Variants in UNKL observed in about 807,000 individuals in gnomAD.
UNKL encodes the protein putative E3 ubiquitin-protein ligase UNKL.
A neutral mutation model predicts 78.0 loss-of-function variants in UNKL; 60 were observed. That is an observed-to-expected ratio of 0.77 (90% CI 0.63 to 0.95). The LOEUF is 0.95. UNKL is among the 40% of genes least tolerant of loss of function. The probability of loss-of-function intolerance (pLI) is 0.00; values close to 1 mark genes in which losing one functional copy is unlikely to be tolerated. For missense variants in UNKL, 1,159 were observed against 1,045.7 expected (o/e 1.11, Z -1.49); for synonymous variants, 608 against 474.8 (o/e 1.28, Z -3.65).
intron 10 of UNKL, among the ~76,000 whole-genome samples, chr16:1,380,441 C>A (rs2036558837): frequency 6.6e-6 from 1 of 152,164 alleles, no homozygotes; most frequent in Admixed American, 6.5e-5. Flanking sequence ...CAGGAGTGCC[C>A]TGGGGTCAGC....
At chr16:1,400,417 C>CAAAAAA (rs56093103) in intron 4 of UNKL, among the ~76,000 whole-genome samples, 2 of 30,760 alleles carry the variant, frequency 6.5e-5, no homozygotes, top group African/African-American at 1.8e-4. Context: ...GACTCCATCT[C>CAAAAAA]AAAAAAAAAA....
At chr16:1,383,311 C>CCACA (rs1363352098) in intron 10 of UNKL, among the ~76,000 whole-genome samples, 1 of 151,360 alleles carries the variant, frequency 6.6e-6, no homozygotes, top group African/African-American at 2.4e-5. Flanking sequence ...AAAACAAAAC[C>CCACA]CACACACACA....
At chr16:1,381,396 G>C (rs2036601082) in intron 10 of UNKL, among the ~76,000 whole-genome samples, 1 of 152,188 alleles carries the variant, frequency 6.6e-6, no homozygotes, top group Admixed American at 6.5e-5. Context: ...GAGGTGGGCG[G>C]ATCACCTGAG....
At chr16:1,401,462 C>A in intron 4 of UNKL, 106 bp downstream of exon 4, 2 of 1,299,196 alleles carry the variant, frequency 1.5e-6, no homozygotes, top group Non-Finnish European at 2.0e-6. Context: ...CCCATCTGAT[C>A]ACCTTGCACG....
At chr16:1,389,242 C>T (rs1035325939) in intron 9 of UNKL, among the ~76,000 whole-genome samples, 2 of 152,138 alleles carry the variant, frequency 1.3e-5, no homozygotes, top group African/African-American at 4.8e-5. Context: ...GCCTTGACCC[C>T]CGGTGTGACT....
rs2038197766 is a variant in UNKL at position 1,414,609 on chromosome 16, G to A, written c.77+6C>T. On this transcript the variant is annotated splice_donor_region_variant and intron_variant, in intron 1 of 14. Coordinates refer to ENST00000389221, the MANE Select transcript of UNKL (RefSeq NM_001372107.1). The stretch of plus-strand genomic sequence containing the variant: ...GCGGGGGGCCGCAGGCCGGACGGGC[G>A]CTGACCTGTAGTGGGTCGGCTTCTC... 1.9e-6 allele frequency: 2 copies of A among 1,066,980 alleles called. No individual in the cohort carries two copies. The highest frequency in any genetic ancestry group is 2.3e-6 in the Non-Finnish European group (2 of 876,728). The allele number at this position is 1,066,980 out of a possible 1,614,324, so 66.1% of individuals were successfully genotyped here. A position where few individuals can be genotyped will look rare whatever the true frequency, so the allele number is the denominator to read the frequency against.
chr16:1,390,208 G>A (rs775935316), intron 9 of UNKL, among the ~76,000 whole-genome samples: 4 of 152,082 alleles, frequency 2.6e-5, no homozygotes, highest in East Asian at 1.9e-4. Context: ...GGCTGGTCCC[G>A]GACTCCTGAC....
At chr16:1,372,380 C>T (rs977178122) in intron 10 of UNKL, among the ~76,000 whole-genome samples, 1 of 152,240 alleles carries the variant, frequency 6.6e-6, no homozygotes, top group Non-Finnish European at 1.5e-5. Flanking sequence ...AGGCTCAAGA[C>T]TGAGTGGGAA....
intron 7 of UNKL, among the ~76,000 whole-genome samples, chr16:1,393,923 C>T (rs902215542): frequency 1.3e-4 from 20 of 152,312 alleles, no homozygotes; most frequent in African/African-American, 3.4e-4. Context: ...CCCACGCCGG[C>T]GTGGAGGGAG....
chr16:1,376,573 G>A (rs932321063), intron 10 of UNKL, among the ~76,000 whole-genome samples: 4 of 152,126 alleles, frequency 2.6e-5, no homozygotes, highest in Non-Finnish European at 4.4e-5. Context: ...TCTTCCGAGT[G>A]TCTGTCCAAG....
intron 10 of UNKL, among the ~76,000 whole-genome samples, chr16:1,380,643 A>G (rs1379772830): frequency 1.6e-5 from 2 of 128,118 alleles, no homozygotes; most frequent in Admixed American, 1.6e-4. Context: ...AAAAAAATCC[A>G]TCTCTTCACC....
rs1032504247 is a variant in UNKL at position 1,379,657 on chromosome 16, G to C, written c.1264+5551C>G. ...CAATGCTGACTCACGGTCCGCGGCCGCCCCGCGCCGCCGCCGGGGATTCAA... is the reference window on the plus strand; with the variant it reads ...CAATGCTGACTCACGGTCCGCGGCCCCCCCGCGCCGCCGCCGGGGATTCAA... On this transcript the variant is annotated intron_variant, in intron 10 of 14. Transcript: ENST00000389221. 4.1e-6 allele frequency: 4 copies of C among 984,256 alleles called. No individual in the cohort carries two copies. The African/African-American group carries it at 5.3e-5, about 13-fold the overall frequency. 61.0% of individuals were successfully genotyped at this position (984,256 alleles called of 1,614,324 possible).
intron 6 of UNKL, 27 bp from the exon 7 acceptor site, chr16:1,394,242 T>G (rs768710617): frequency 6.5e-7 from 1 of 1,549,158 alleles, no homozygotes; most frequent in African/African-American, 1.4e-5. Flanking sequence ...AATAAAGAGG[T>G]TGGATTGGAA....
intron 12 of UNKL, among the ~76,000 whole-genome samples, chr16:1,368,794 G>C (rs530129416): frequency 1.3e-5 from 2 of 152,148 alleles, no homozygotes; most frequent in South Asian, 2.1e-4. Context: ...CCAGCTACTC[G>C]GGAGGCTGAG....
At chr16:1,401,752 G>A (rs766390695) in intron 3 of UNKL, 51 bp from the exon 4 acceptor site, 4 of 1,564,846 alleles carry the variant, frequency 2.6e-6, no homozygotes, top group South Asian at 2.3e-5. Flanking sequence ...AGCCTCCAAA[G>A]CTGAAACGAG....
chr16:1,400,512 A>G (rs1213856972), intron 4 of UNKL, among the ~76,000 whole-genome samples: 1 of 146,870 alleles, frequency 6.8e-6, no homozygotes, highest in Non-Finnish European at 1.5e-5. Flanking sequence ...GATGCAGGCC[A>G]GTGAGTGCAG....
At chr16:1,411,935 C>T (rs1402159319) in intron 2 of UNKL, 2 of 152,180 alleles carry the variant, frequency 1.3e-5, no homozygotes, top group African/African-American at 4.8e-5. Context: ...CTAGGCTAAG[C>T]ACTGTTGAAA....
intron 9 of UNKL, 79 bp from the exon 10 acceptor site, chr16:1,385,464 C>G: frequency 8.0e-7 from 1 of 1,252,304 alleles, no homozygotes; most frequent in East Asian, 3.2e-5. Flanking sequence ...CTGCAGAAAG[C>G]ACCGCGGGAC....
chr16:1,387,198 G>T lies in UNKL; in HGVS notation c.1087-1813C>A, dbSNP rs904111504. On this transcript the variant is annotated intron_variant, in intron 9 of 14. Coordinates refer to ENST00000389221, the MANE Select transcript of UNKL (RefSeq NM_001372107.1). The surrounding 1 kb of genome is among the most constrained non-coding windows in gnomAD (Gnocchi z 4.1). Reference sequence around the variant, plus strand: ...GGGACCCTCCCAGCCATGCAACACCGGGGACACTCCCAGCCATGCAACACC... The same window carrying T: ...GGGACCCTCCCAGCCATGCAACACCTGGGACACTCCCAGCCATGCAACACC... 6.6e-6 allele frequency among the ~76,000 whole-genome samples: 1 copy of T among 151,378 alleles called. No individual in the cohort carries two copies. Among genetic ancestry groups the T allele is most frequent in the East Asian group, 1.9e-4 (1 of 5,172 alleles).
Sources: allele counts gnomAD v4.1 joint callset (sites outside exome capture counted in the v4.1 genomes callset), GRCh38; gene constraint gnomAD v4.1.1; non-coding constraint Gnocchi (gnomAD v3.1); transcripts MANE v1.5; gene names NCBI Gene and HGNC (gene_info 2026-07-23, HGNC 2026-07-21).